Variants in ADAMTS16 observed in about 807,000 individuals in gnomAD.
The protein encoded by ADAMTS16 is A disintegrin and metalloproteinase with thrombospondin motifs 16.
ADAMTS16 carries 94 observed loss-of-function variants against 145.8 expected under a neutral mutation model. The observed-to-expected ratio is 0.64, with a 90% confidence interval of 0.55 to 0.77. ADAMTS16 has a LOEUF of 0.77. Among genes scored for constraint, ADAMTS16 ranks in the 30% least tolerant of loss-of-function variants. The probability of loss-of-function intolerance (pLI) is 0.00; values close to 1 mark genes in which losing one functional copy is unlikely to be tolerated. For synonymous variants in ADAMTS16, 659 were observed against 604.3 expected, an observed-to-expected ratio of 1.09 and a Z score of -1.33; for missense variants, 1,585 against 1,591.5, an observed-to-expected ratio of 1.00 and a Z score of 0.07.
In ADAMTS16 at chr5:5,146,232, A is replaced by G; in HGVS notation, c.278A>G (p.Glu93Gly). ...QRRRRAVPVS[E>G]VESLHLRLKG... ...CGGAGAAGAGCAGTGCCCGTGTCCG[A>G]GGTTGAGTCTCTTCACCTTCGGCTG... is the stretch of plus-strand genomic sequence containing the variant. The change falls in exon 3 of 23, where the codon GAG (glutamate) becomes GGG (glycine). Residue 93 changes from glutamate (E) to glycine (G), a missense_variant. Physicochemically the swap from Glu to Gly is moderately conservative, Grantham distance 98. Coordinates refer to ENST00000274181, the MANE Select transcript of ADAMTS16 (RefSeq NM_139056.4). 2 of 1,614,132 alleles carry G rather than the reference A, an allele frequency of 1.2e-6. No individual in the cohort carries two copies. Among genetic ancestry groups the G allele is most frequent in the East Asian group, 4.5e-5 (2 of 44,856 alleles).
chr5:5,214,254 C>A (rs1736363432), intron 10 of ADAMTS16, among the ~76,000 whole-genome samples: 1 of 152,012 alleles, frequency 6.6e-6, no homozygotes, highest in Non-Finnish European at 1.5e-5. Flanking sequence ...GAATTTGATA[C>A]CAGTTACTTC....
chr5:5,269,746 G>A lies in ADAMTS16; in HGVS notation c.2789+6963G>A, dbSNP rs140348781. ...GTCTCCTCTGCCTCCACCTCTCTAC[G>A]CTTGGTCTTTCTGGTATTGAGAGAT... On this transcript the variant is annotated intron_variant, in intron 18 of 22. Transcript: ENST00000274181. The surrounding 1 kb of genome is among the most constrained non-coding windows in gnomAD (Gnocchi z 4.3). 6.4e-4 allele frequency among the ~76,000 whole-genome samples: 98 copies of A among 152,270 alleles called. No homozygotes were observed. Among genetic ancestry groups the A allele is most frequent in the Non-Finnish European group, 9.6e-4 (65 of 68,022 alleles).
intron 21 of ADAMTS16, among the ~76,000 whole-genome samples, chr5:5,316,894 T>C (rs1327363645): frequency 6.6e-6 from 1 of 152,216 alleles, no homozygotes; most frequent in African/African-American, 2.4e-5. Flanking sequence ...ACAAGCCTGG[T>C]ATCCCCAGAT....
chr5:5,205,547 A>G lies in ADAMTS16; in HGVS notation c.1452-3546A>G, dbSNP rs182502142. Among the ~76,000 whole-genome samples the G allele has an allele frequency of 1.9e-4, 29 of 152,338 alleles. No homozygotes were observed. In the East Asian group the frequency reaches 4.4e-3, roughly 23 times the overall value. ...ACTTTTGGTGGTTGGACCATTTTGC[A>G]TTCTCACTGGAGGTAAATGAGAGTT... On this transcript the variant is annotated intron_variant, in intron 9 of 22. Transcript: ENST00000274181.
At chr5:5,240,488 C>T (rs1012614342) in intron 16 of ADAMTS16, among the ~76,000 whole-genome samples, 4 of 152,258 alleles carry the variant, frequency 2.6e-5, no homozygotes, top group African/African-American at 9.6e-5. Flanking sequence ...ATTCTGACAA[C>T]ACCATCCTCG....
intron 16 of ADAMTS16, among the ~76,000 whole-genome samples, chr5:5,240,381 C>T (rs931954487): frequency 6.6e-6 from 1 of 152,192 alleles, no homozygotes; most frequent in Non-Finnish European, 1.5e-5. Context: ...GCCACAGCTC[C>T]GCAGTCACAT....
At chr5:5,239,061 G>A in intron 14 of ADAMTS16, 90 bp from the exon 15 acceptor site, 3 of 1,349,034 alleles carry the variant, frequency 2.2e-6, no homozygotes, top group Non-Finnish European at 2.9e-6. Flanking sequence ...CAACTCTAGT[G>A]GGGAGGAGGT....
chr5:5,304,236 C>G (rs914045832), intron 20 of ADAMTS16, among the ~76,000 whole-genome samples: 1 of 152,196 alleles, frequency 6.6e-6, no homozygotes, highest in Non-Finnish European at 1.5e-5. Context: ...CGAAAGGAAA[C>G]TCTCCTGTTA....
chr5:5,202,286 C>T (rs1315414883), intron 9 of ADAMTS16, among the ~76,000 whole-genome samples: 1 of 152,110 alleles, frequency 6.6e-6, no homozygotes, highest in Non-Finnish European at 1.5e-5. Context: ...ATAGTTTATG[C>T]CACCCAGCAT....
intron 2 of ADAMTS16, among the ~76,000 whole-genome samples, chr5:5,145,579 T>C (rs924086801): frequency 2.0e-4 from 30 of 152,386 alleles, no homozygotes; most frequent in African/African-American, 6.2e-4. Flanking sequence ...AAACATGGCT[T>C]ACCAGTAGTT....
chr5:5,195,147 AGAG>A (rs1198349973), intron 8 of ADAMTS16, among the ~76,000 whole-genome samples: 5 of 151,676 alleles, frequency 3.3e-5, no homozygotes, highest in South Asian at 2.1e-4. Flanking sequence ...TGTTGGAAAG[AGAG>A]GAGGAGAGAC....
intron 6 of ADAMTS16, among the ~76,000 whole-genome samples, chr5:5,189,586 C>T (rs767174127): frequency 2.6e-5 from 4 of 152,256 alleles, no homozygotes; most frequent in East Asian, 3.9e-4. Flanking sequence ...ACCATCTAGA[C>T]GTGTTTTTGT....
chr5:5,148,861 G>A (rs2619788), intron 3 of ADAMTS16, among the ~76,000 whole-genome samples: 151,688 of 152,226 alleles, frequency 1, 75,595 homozygotes, highest in Middle Eastern at 1. Flanking sequence ...GGGAGGAAAC[G>A]GGGACAGGCA....
At chr5:5,313,270 A>G (rs958518891) in intron 21 of ADAMTS16, among the ~76,000 whole-genome samples, 14 of 152,296 alleles carry the variant, frequency 9.2e-5, no homozygotes, top group African/African-American at 3.4e-4. Flanking sequence ...AAATTGTCAG[A>G]CGGTAATGAA....
At chr5:5,295,351 C>A (rs1203779918) in intron 18 of ADAMTS16, among the ~76,000 whole-genome samples, 1 of 152,208 alleles carries the variant, frequency 6.6e-6, no homozygotes, top group African/African-American at 2.4e-5. Context: ...GATTTAACTT[C>A]GTTTTCATAG....
At chr5:5,300,930 G>T (rs907311161) in intron 18 of ADAMTS16, among the ~76,000 whole-genome samples, 2 of 152,164 alleles carry the variant, frequency 1.3e-5, no homozygotes, top group African/African-American at 4.8e-5. Flanking sequence ...AAACCTTTTT[G>T]ATTGTATTTT....
At chr5:5,196,522 T>C (rs1229870413) in intron 8 of ADAMTS16, among the ~76,000 whole-genome samples, 1 of 152,206 alleles carries the variant, frequency 6.6e-6, no homozygotes, top group Non-Finnish European at 1.5e-5. Flanking sequence ...GCTCTCTGGG[T>C]AGCTGTGGTA....
intron 17 of ADAMTS16, among the ~76,000 whole-genome samples, chr5:5,259,356 A>AACC (rs2126424272): frequency 6.6e-6 from 1 of 152,342 alleles, no homozygotes; most frequent in East Asian, 1.9e-4. Context: ...ACAAGGACAC[A>AACC]TCTGTTGAAT....
intron 18 of ADAMTS16, among the ~76,000 whole-genome samples, chr5:5,297,278 G>T (rs1199441081): frequency 1.3e-5 from 2 of 152,126 alleles, no homozygotes; most frequent in Non-Finnish European, 2.9e-5. Context: ...GAGGATGCAG[G>T]AGTCAACACC....
Sources: gnomAD v4.1 joint callset for allele counts (sites outside exome capture counted in the v4.1 genomes callset) on GRCh38, gnomAD v4.1.1 for gene constraint, Gnocchi (gnomAD v3.1) non-coding constraint, MANE v1.5 for transcripts, NCBI Gene and HGNC (gene_info 2026-07-23, HGNC 2026-07-21) for gene names.